The following NCALD variants were observed in gnomAD, a reference collection of about 807,000 sequenced individuals.
NCALD encodes the protein neurocalcin delta.
A neutral mutation model predicts 18.6 loss-of-function variants in NCALD; 10 were observed. The observed-to-expected ratio is 0.54, with a 90% CI of 0.33 to 0.91. The LOEUF is 0.91. NCALD is among the 40% of genes least tolerant of loss of function. The pLI is 0.03. For synonymous variants in NCALD, 88 were observed against 87.4 expected (o/e 1.01, Z -0.04); for missense variants, 184 against 247.6 (o/e 0.74, Z 1.72).
chr8:101,763,630 C>T (rs10110736), intron 1 of NCALD, among the ~76,000 whole-genome samples: 6,891 of 152,140 alleles, frequency 0.045, 374 homozygotes, highest in African/African-American at 0.11. Flanking sequence ...TTTGAGTCAG[C>T]AGACTAAGTA....
chr8:101,825,658 T>C (rs1054825133), intron 4 of NCALD, among the ~76,000 whole-genome samples: 2 of 152,360 alleles, frequency 1.3e-5, no homozygotes, highest in Middle Eastern at 3.4e-3. Context: ...TTCAGTCCTC[T>C]CAGTACCTTC....
At chr8:101,977,700 C>A (rs548256519) in intron 2 of NCALD, among the ~76,000 whole-genome samples, 8 of 152,300 alleles carry the variant, frequency 5.3e-5, no homozygotes, top group Admixed American at 2.0e-4. Flanking sequence ...CTGGGGGCTG[C>A]AATCCTTAGA....
chr8:101,860,887 C>T (rs993675391), intron 4 of NCALD, among the ~76,000 whole-genome samples: 1 of 152,014 alleles, frequency 6.6e-6, no homozygotes, highest in African/African-American at 2.4e-5. Flanking sequence ...ATTGCCTGTA[C>T]CGACCCCTGA....
At chr8:101,693,243 T>C (rs2129981068) in intron 2 of NCALD, 1 of 184,836 alleles carries the variant, frequency 5.4e-6, no homozygotes, top group Middle Eastern at 2.4e-3. Context: ...CTCCATTTCA[T>C]AGGCTCAAGC....
In NCALD at chr8:101,894,626, A is replaced by G. The variant is rs1470835356; in HGVS notation, c.-106-7399T>C. ...TTGATAGACTGCTAGCAAAACTAAT[A>G]AAGAAAAAAAGAGAGAAGAATCAAA... On this transcript the variant is annotated intron_variant, in intron 3 of 6. Coordinates refer to the NCALD transcript ENST00000311028. Among the ~76,000 whole-genome samples, 15 of 148,090 alleles carry G rather than the reference A, an allele frequency of 1.0e-4. No individual in the cohort carries two copies. The East Asian group carries it at 2.5e-3, about 25-fold the overall frequency.
intron 4 of NCALD, among the ~76,000 whole-genome samples, chr8:101,849,751 G>T (rs1307876170): frequency 6.6e-6 from 1 of 152,142 alleles, no homozygotes; most frequent in African/African-American, 2.4e-5. Context: ...AGAATTACGA[G>T]CAAGCAGAGA....
chr8:101,715,110 G>A (rs1816012865), intron 2 of NCALD, among the ~76,000 whole-genome samples: 1 of 151,968 alleles, frequency 6.6e-6, no homozygotes, highest in Admixed American at 6.5e-5. Flanking sequence ...AAAACACCAT[G>A]GTACTGGTAC....
chr8:102,099,145 C>A (rs1352985307), intron 1 of NCALD, among the ~76,000 whole-genome samples: 1 of 152,204 alleles, frequency 6.6e-6, no homozygotes, highest in East Asian at 1.9e-4. Flanking sequence ...AATTCCATCT[C>A]TGGAATGTTC....
chr8:101,928,283 C>G (rs1199935726), intron 2 of NCALD, among the ~76,000 whole-genome samples: 1 of 152,206 alleles, frequency 6.6e-6, no homozygotes, highest in Non-Finnish European at 1.5e-5. Flanking sequence ...GCTTGTCCCA[C>G]TCCATATTTA....
intron 2 of NCALD, among the ~76,000 whole-genome samples, chr8:101,990,660 C>T (rs2131981449): frequency 6.6e-6 from 1 of 152,328 alleles, no homozygotes; most frequent in African/African-American, 2.4e-5. Flanking sequence ...AGGTGTCTTT[C>T]ACCTTCTGCC....
At chr8:101,989,012 A>G (rs1335402030) in intron 2 of NCALD, among the ~76,000 whole-genome samples, 1 of 151,998 alleles carries the variant, frequency 6.6e-6, no homozygotes, top group Non-Finnish European at 1.5e-5. Context: ...ATTGAAAAGG[A>G]GAGGACTGGA....
At chr8:101,735,555 C>T (rs146126884) in intron 1 of NCALD, among the ~76,000 whole-genome samples, 2 of 152,274 alleles carry the variant, frequency 1.3e-5, no homozygotes, top group African/African-American at 4.8e-5. Flanking sequence ...ATTTGAACTT[C>T]AGATAAACAA....
intron 4 of NCALD, among the ~76,000 whole-genome samples, chr8:101,820,966 T>C (rs750733644): frequency 6.6e-6 from 1 of 152,184 alleles, no homozygotes; most frequent in Non-Finnish European, 1.5e-5. Context: ...AGAAAACTCA[T>C]GGTAAGTAAA....
intron 2 of NCALD, among the ~76,000 whole-genome samples, chr8:101,973,423 G>A (rs1820313584): frequency 6.6e-6 from 1 of 152,160 alleles, no homozygotes; most frequent in Non-Finnish European, 1.5e-5. Context: ...GGGTTTGAAT[G>A]AAATAGACTT....
chr8:102,052,294 A>C (rs1365578806), intron 1 of NCALD, among the ~76,000 whole-genome samples: 1 of 152,198 alleles, frequency 6.6e-6, no homozygotes, highest in East Asian at 1.9e-4. Flanking sequence ...AAGAGCATGG[A>C]AATCCAAAGG....
intron 4 of NCALD, among the ~76,000 whole-genome samples, chr8:101,825,599 A>G (rs183327340): frequency 6.6e-6 from 1 of 152,316 alleles, no homozygotes. Context: ...ACTTCCCACA[A>G]CTTCTGGACC....
At chr8:101,965,150 T>C (rs567849553) in intron 2 of NCALD, among the ~76,000 whole-genome samples, 1 of 152,174 alleles carries the variant, frequency 6.6e-6, no homozygotes, top group Non-Finnish European at 1.5e-5. Flanking sequence ...ATAGGAACAC[T>C]TTTACAGTGT....
intron 3 of NCALD, among the ~76,000 whole-genome samples, chr8:101,914,236 T>C (rs1817900164): frequency 6.6e-6 from 1 of 152,246 alleles, no homozygotes; most frequent in African/African-American, 2.4e-5. Context: ...ACTAGTCAGA[T>C]ATTTTGTAGC....
intron 2 of NCALD, among the ~76,000 whole-genome samples, chr8:102,008,910 G>A (rs201563851): frequency 7.9e-4 from 14 of 17,798 alleles, no homozygotes; most frequent in African/African-American, 3.0e-3. Context: ...CTCCACCCCC[G>A]CCCCCCTACA....
Sources: gnomAD v4.1 joint callset for allele counts (sites outside exome capture counted in the v4.1 genomes callset) on GRCh38, gnomAD v4.1.1 for gene constraint, MANE v1.5 for transcripts, NCBI Gene and HGNC (gene_info 2026-07-23, HGNC 2026-07-21) for gene names.